ADAMTS17: variants seen among roughly 807,000 people sequenced by gnomAD.
ADAMTS17 encodes A disintegrin and metalloproteinase with thrombospondin motifs 17.
A neutral mutation model predicts 141.5 loss-of-function variants in ADAMTS17; 113 were observed. That is an observed-to-expected ratio of 0.80 (90% CI 0.69 to 0.93). The LOEUF (loss-of-function observed/expected upper bound fraction) is 0.93. Among genes scored for constraint, ADAMTS17 ranks in the 40% least tolerant of loss-of-function variants. ADAMTS17 has a pLI of 0.00. For missense variants in ADAMTS17, 1,659 were observed against 1,517.9 expected, an observed-to-expected ratio of 1.09 and a Z score of -1.54; for synonymous variants, 768 against 630.6, an observed-to-expected ratio of 1.22 and a Z score of -3.27.
chr15:100,000,963 TG>T (rs1227343063), intron 18 of ADAMTS17, among the ~76,000 whole-genome samples: 1 of 152,248 alleles, frequency 6.6e-6, no homozygotes, highest in Non-Finnish European at 1.5e-5. Context: ...CAGAACAGAC[TG>T]GTTTCTAGAA....
chr15:100,331,027 G>T lies in ADAMTS17; in HGVS notation c.478C>A (p.Gln160Lys). 6.2e-7 allele frequency: 1 copy of T among 1,614,058 alleles called. No individual in the cohort carries two copies. The highest frequency in any genetic ancestry group is 2.2e-5 in the East Asian group (1 of 44,882). The stretch of plus-strand genomic sequence containing the variant: ...TTGTTGAGGGGCTGGATTAGCACCT[G>T]CTCCTGCCCAAGCTGAATGAGGCCA... ...LVGLIQLGQE[Q>K]VLIQPLNNSQ... is the part of the protein sequence containing the mutation. Residue 160 changes from glutamine to lysine, a missense_variant, in exon 3 of 22, where the codon CAG (glutamine) becomes AAG (lysine). Gln to Lys is a moderately conservative substitution (Grantham distance 53). Coordinates refer to ENST00000268070, the MANE Select transcript of ADAMTS17 (RefSeq NM_139057.4).
At chr15:100,311,511 A>G (rs1214258063) in intron 3 of ADAMTS17, among the ~76,000 whole-genome samples, 1 of 152,158 alleles carries the variant, frequency 6.6e-6, no homozygotes, top group Non-Finnish European at 1.5e-5. Context: ...AGATTTTCCT[A>G]TTTAAGCTGG....
intron 8 of ADAMTS17, among the ~76,000 whole-genome samples, chr15:100,166,371 A>ACATT (rs2039952590): frequency 6.6e-6 from 1 of 151,320 alleles, no homozygotes; most frequent in African/African-American, 2.4e-5. Flanking sequence ...ATCCTTTTCT[A>ACATT]TATTCCTTAT....
intron 15 of ADAMTS17, among the ~76,000 whole-genome samples, chr15:100,085,395 C>T (rs200994271): frequency 0.17 from 18,943 of 108,408 alleles, 2,908 homozygotes; most frequent in East Asian, 0.42. Flanking sequence ...ACGAGGAGAA[C>T]GCAACCAAGT....
intron 3 of ADAMTS17, among the ~76,000 whole-genome samples, chr15:100,299,358 C>T (rs1474472187): frequency 6.6e-6 from 1 of 151,848 alleles, no homozygotes. Context: ...CATCTCACAG[C>T]CCCACCAAGA....
chr15:100,093,620 C>T (rs1299994568), intron 15 of ADAMTS17, among the ~76,000 whole-genome samples: 1 of 152,048 alleles, frequency 6.6e-6, no homozygotes, highest in Non-Finnish European at 1.5e-5. Flanking sequence ...CTCCCCCTAC[C>T]CCCACTATCA....
At chr15:100,029,205 C>T (rs530929936) in intron 18 of ADAMTS17, among the ~76,000 whole-genome samples, 6 of 152,276 alleles carry the variant, frequency 3.9e-5, no homozygotes, top group East Asian at 1.9e-4. Context: ...CCCAGATTTC[C>T]GCTTGGTGCT....
At chr15:100,069,054 T>C (rs1362795992) in intron 15 of ADAMTS17, among the ~76,000 whole-genome samples, 4 of 152,200 alleles carry the variant, frequency 2.6e-5, no homozygotes, top group Non-Finnish European at 4.4e-5. Flanking sequence ...TTAAAGGACC[T>C]GAGGGAGCTG....
intron 4 of ADAMTS17, 28 bp downstream of exon 4, chr15:100,281,201 C>T: frequency 6.2e-7 from 1 of 1,600,618 alleles, no homozygotes; most frequent in Non-Finnish European, 8.5e-7. Flanking sequence ...CAGAGCCCCC[C>T]ACATCAGGAC....
At chr15:100,078,016 A>G (rs189113415) in intron 15 of ADAMTS17, among the ~76,000 whole-genome samples, 2,610 of 112,368 alleles carry the variant, frequency 0.023, 77 homozygotes, top group Admixed American at 0.083. Flanking sequence ...CATCAAAAAG[A>G]AACACTTAGG....
chr15:100,016,967 T>C (rs116782003), intron 18 of ADAMTS17, among the ~76,000 whole-genome samples: 1,780 of 152,202 alleles, frequency 0.012, 33 homozygotes, highest in African/African-American at 0.041. Flanking sequence ...CCAGGGTGGA[T>C]AGGGAAGGCC....
intron 4 of ADAMTS17, among the ~76,000 whole-genome samples, chr15:100,278,064 T>C (rs2044157854): frequency 6.6e-6 from 1 of 152,144 alleles, no homozygotes; most frequent in South Asian, 2.1e-4. Context: ...TACTGCATGA[T>C]TCCACTTATA....
At chr15:100,008,978 G>A (rs141477535) in intron 18 of ADAMTS17, among the ~76,000 whole-genome samples, 25 of 152,216 alleles carry the variant, frequency 1.6e-4, no homozygotes, top group African/African-American at 5.1e-4. Flanking sequence ...TAGCTGGGAC[G>A]ACAGGCGTGT....
chr15:100,109,290 G>A (rs545706511), intron 13 of ADAMTS17, among the ~76,000 whole-genome samples, 174 bp from the exon 14 acceptor site: 2 of 88,190 alleles, frequency 2.3e-5, no homozygotes, highest in East Asian at 6.9e-4. Flanking sequence ...CACAGCCACA[G>A]GGGAAGACAG....
chr15:100,024,588 C>T (rs2061470785), intron 18 of ADAMTS17, among the ~76,000 whole-genome samples: 1 of 152,180 alleles, frequency 6.6e-6, no homozygotes, highest in Non-Finnish European at 1.5e-5. Flanking sequence ...GATCTCATTA[C>T]ACTATGACCC....
intron 8 of ADAMTS17, among the ~76,000 whole-genome samples, chr15:100,181,316 G>C (rs1026947825): frequency 6.6e-6 from 1 of 152,198 alleles, no homozygotes; most frequent in Admixed American, 6.5e-5. Context: ...CTGTGGCCAA[G>C]CTGGTACCTA....
Position 100,131,987 on chromosome 15 carries a change from T to C in ADAMTS17, c.1721+20A>G, listed in dbSNP as rs371853077. On this transcript the variant is annotated intron_variant, in intron 12 of 21. Transcript: ENST00000268070. ...ACTCCAATCGTGGCACGTTGGGGTA[T>C]GGCTGGTCAGGGGACTTACGGGGGG... 54 of 1,614,104 alleles carry C rather than the reference T, an allele frequency of 3.3e-5. No homozygotes were observed. Among genetic ancestry groups the C allele is most frequent in the Middle Eastern group, 1.6e-4 (1 of 6,084 alleles).
intron 15 of ADAMTS17, among the ~76,000 whole-genome samples, chr15:100,055,054 C>T (rs745578074): frequency 5.9e-5 from 9 of 152,108 alleles, no homozygotes; most frequent in African/African-American, 9.7e-5. Flanking sequence ...TAGGAGAAGT[C>T]GGCAGATGAC....
At chr15:100,267,359 T>C (rs12440525) in intron 4 of ADAMTS17, among the ~76,000 whole-genome samples, 11,529 of 152,250 alleles carry the variant, frequency 0.076, 681 homozygotes, top group East Asian at 0.24. Flanking sequence ...CCCCACGTTT[T>C]GTTTATCTGC....
Sources: gnomAD v4.1 joint callset for allele counts (sites outside exome capture counted in the v4.1 genomes callset) on GRCh38, gnomAD v4.1.1 for gene constraint, MANE v1.5 for transcripts, NCBI Gene and HGNC (gene_info 2026-07-23, HGNC 2026-07-21) for gene names.